PLA1A: variants seen among roughly 807,000 people sequenced by gnomAD.
The protein encoded by PLA1A is phospholipase A1 member A.
In PLA1A, 47 loss-of-function variants were observed where a neutral mutation model predicts 49.4. The observed-to-expected ratio is 0.95, with a 90% CI of 0.75 to 1.21. The LOEUF is 1.21. Among genes scored for constraint, PLA1A ranks in the 50% most tolerant of loss-of-function variants. The probability of loss-of-function intolerance (pLI) is 0.00; values close to 1 mark genes in which losing one functional copy is unlikely to be tolerated. For synonymous variants in PLA1A, 224 were observed against 207.9 expected (o/e 1.08, Z -0.67); for missense variants, 561 against 563.9 (o/e 0.99, Z 0.05).
chr3:119,619,649 T>C lies in PLA1A; in HGVS notation c.1009T>C (p.Cys337Arg). The change falls in exon 8 of 11, where the codon TGC becomes CGC. Residue 337 changes from cysteine to arginine, a missense_variant. Coordinates refer to ENST00000273371, the MANE Select transcript of PLA1A (RefSeq NM_015900.4). ...YLLTTSSAPY[C>R]MHHSLVEFHL... ...CCTGACTACTTCCAGTGCTCCGTACTGCAGTGAGTAGGGGGAAATGCATGA... is the reference window on the plus strand; with the variant it reads ...CCTGACTACTTCCAGTGCTCCGTACCGCAGTGAGTAGGGGGAAATGCATGA... The C allele has an allele frequency of 6.2e-7, 1 of 1,601,344 alleles. No individual in the cohort carries two copies. The highest frequency in any genetic ancestry group is 8.6e-7 in the Non-Finnish European group (1 of 1,168,200).
At position 119,606,928 on chromosome 3, in the gene PLA1A, T is replaced by G. The variant is rs1384388948; in HGVS notation, c.228T>G (p.Ser76=). Residue 76 remains serine (S), a synonymous_variant, in exon 2 of 11, where the codon TCT becomes TCG. Transcript: ENST00000273371. ...LVEGSSDLQN[S]GFNATLGTKL... is the part of the protein sequence containing the mutation. ...AAGGAAGCAGTGACCTCCAAAACTC[T>G]GGGTTCAATGCCACTCTGGGAACCA... The G allele has an allele frequency of 6.2e-7, 1 of 1,614,174 alleles. No individual in the cohort carries two copies. Among genetic ancestry groups the G allele is most frequent in the East Asian group, 2.2e-5 (1 of 44,884 alleles).
chr3:119,623,953 G>GAGTC (rs1281285488), intron 8 of PLA1A, among the ~76,000 whole-genome samples: 2 of 151,918 alleles, frequency 1.3e-5, no homozygotes, highest in African/African-American at 4.8e-5. Flanking sequence ...TCAAACTCCT[G>GAGTC]ACCTCAGGTG....
At chr3:119,622,556 G>T (rs1335346007) in intron 8 of PLA1A, among the ~76,000 whole-genome samples, 1 of 152,210 alleles carries the variant, frequency 6.6e-6, no homozygotes, top group Admixed American at 6.5e-5. Flanking sequence ...AGGGAGCTCA[G>T]ATGGGCCATA....
chr3:119,618,090 C>G lies in PLA1A; in HGVS notation c.826C>G (p.Pro276Ala). 1 of 1,613,694 alleles carries G rather than the reference C, an allele frequency of 6.2e-7. No homozygotes were observed. The highest frequency in any genetic ancestry group is 8.5e-7 in the Non-Finnish European group (1 of 1,179,556). Residue 276 changes from proline to alanine, a missense_variant, in exon 7 of 11, where the codon CCA becomes GCA. Pro to Ala is a conservative substitution (Grantham distance 27). Coordinates refer to ENST00000273371, the MANE Select transcript of PLA1A (RefSeq NM_015900.4). The stretch of plus-strand genomic sequence containing the variant: ...CATCAGCGCCCTGGAGAATTCCTGT[C>G]CACTGATGGCCTTTCCCTGTGCCAG... ...LYISALENSC[P>A]LMAFPCASYK...
chr3:119,607,257 A>G (rs376064755), intron 2 of PLA1A, among the ~76,000 whole-genome samples: 1 of 152,254 alleles, frequency 6.6e-6, no homozygotes, highest in African/African-American at 2.4e-5. Flanking sequence ...AACCTTTATT[A>G]CCCAGGATTG....
intron 9 of PLA1A, among the ~76,000 whole-genome samples, chr3:119,626,348 A>G (rs1318488235): frequency 6.6e-6 from 1 of 152,228 alleles, no homozygotes; most frequent in East Asian, 1.9e-4. Context: ...GGAAATGACC[A>G]GTGCACACAC....
intron 1 of PLA1A, among the ~76,000 whole-genome samples, chr3:119,605,931 C>T (rs2082680274): frequency 6.6e-6 from 1 of 152,164 alleles, no homozygotes; most frequent in Admixed American, 6.5e-5. Flanking sequence ...AGGCTATGGG[C>T]TGGGCACTGG....
chr3:119,621,801 C>A (rs1441518855), intron 8 of PLA1A, among the ~76,000 whole-genome samples: 1 of 152,146 alleles, frequency 6.6e-6, no homozygotes, highest in Non-Finnish European at 1.5e-5. Flanking sequence ...ATCCAGGCCT[C>A]CTGACCAACC....
intron 1 of PLA1A, among the ~76,000 whole-genome samples, chr3:119,604,802 T>C (rs146467417): frequency 6.6e-6 from 1 of 152,210 alleles, no homozygotes; most frequent in Non-Finnish European, 1.5e-5. Flanking sequence ...CTCTTTGTAA[T>C]GGGCTGGTAA....
chr3:119,621,403 C>T lies in PLA1A; in HGVS notation c.1012+1751C>T, dbSNP rs140401318. The stretch of plus-strand genomic sequence containing the variant: ...GAGCTGTCACTTCTAGGGATGGAAG[C>T]GGAGTCCTCCCTGCTCTCCCTGGAC... On this transcript the variant is annotated intron_variant, in intron 8 of 10. Transcript: ENST00000273371. Among the ~76,000 whole-genome samples, 12 of 152,270 alleles carry T rather than the reference C, an allele frequency of 7.9e-5. 1 individual carries two copies. The highest frequency in any genetic ancestry group is 4.1e-4 in the South Asian group (2 of 4,822).
intron 4 of PLA1A, among the ~76,000 whole-genome samples, chr3:119,611,335 T>C (rs2082762442): frequency 6.6e-6 from 1 of 152,316 alleles, no homozygotes; most frequent in African/African-American, 2.4e-5. Flanking sequence ...TTAGAATAGA[T>C]TTTTATAATT....
At position 119,606,969 on chromosome 3, in the gene PLA1A, G is replaced by A; in HGVS notation, c.269G>A (p.Gly90Glu). 5.6e-6 allele frequency: 9 copies of A among 1,612,736 alleles called. No individual in the cohort carries two copies. The highest frequency in any genetic ancestry group is 5.9e-6 in the Non-Finnish European group (7 of 1,178,758). Residue 90 changes from glycine (G) to glutamate (E), a missense_variant, in exon 2 of 11, where the codon GGA becomes GAA. Gly to Glu is a moderately conservative substitution (Grantham distance 98). Coordinates refer to ENST00000273371, the MANE Select transcript of PLA1A (RefSeq NM_015900.4). ...CTGGGAACCAAACTAATTATCCATG[G>A]ATTCAGGTGGGAGTTAAATAACCAA... ...ATLGTKLIIHGFRVLGTKPSW... is the reference protein window; with the variant it reads ...ATLGTKLIIHEFRVLGTKPSW...
chr3:119,627,923 C>T (rs541966648), intron 9 of PLA1A, among the ~76,000 whole-genome samples: 2 of 152,318 alleles, frequency 1.3e-5, no homozygotes, highest in South Asian at 4.1e-4. Flanking sequence ...TGGAAGCACC[C>T]TGCTAGGTTG....
intron 3 of PLA1A, among the ~76,000 whole-genome samples, chr3:119,609,184 T>A (rs2082732434): frequency 6.6e-6 from 1 of 152,098 alleles, no homozygotes; most frequent in African/African-American, 2.4e-5. Context: ...AGACAGCGAA[T>A]GCAGATGGCC....
intron 8 of PLA1A, among the ~76,000 whole-genome samples, chr3:119,621,404 G>A (rs571240498): frequency 2.0e-5 from 3 of 152,246 alleles, no homozygotes; most frequent in Admixed American, 6.5e-5. Flanking sequence ...GGATGGAAGC[G>A]GAGTCCTCCC....
intron 3 of PLA1A, 129 bp downstream of exon 3, chr3:119,609,076 C>A: frequency 1.4e-6 from 1 of 707,626 alleles, no homozygotes; most frequent in Non-Finnish European, 2.4e-6. Flanking sequence ...GTCTTGGGTT[C>A]AAATCTTGAC....
chr3:119,622,610 T>C (rs2082958396), intron 8 of PLA1A, among the ~76,000 whole-genome samples: 1 of 152,172 alleles, frequency 6.6e-6, no homozygotes, highest in Non-Finnish European at 1.5e-5. Context: ...ATCCAGTTTA[T>C]GTTCCCTTCC....
chr3:119,607,111 T>C, intron 2 of PLA1A, 136 bp downstream of exon 2: 2 of 700,508 alleles, frequency 2.9e-6, no homozygotes, highest in Non-Finnish European at 5.1e-6. Context: ...TATCCTGCTG[T>C]CTTTGATGGG....
chr3:119,620,256 CCTGGTTTATG>C, intron 8 of PLA1A: 3 of 425,458 alleles, frequency 7.1e-6, no homozygotes, highest in Non-Finnish European at 1.4e-5. Flanking sequence ...GACTATACTT[CCTGGTTTATG>C]CTGGTTATCC....
Sources: gnomAD v4.1 joint callset for allele counts (sites outside exome capture counted in the v4.1 genomes callset) on GRCh38, gnomAD v4.1.1 for gene constraint, MANE v1.5 for transcripts, NCBI Gene and HGNC (gene_info 2026-07-23, HGNC 2026-07-21) for gene names.